The following CNTNAP5 variants were observed in gnomAD, a reference collection of about 807,000 sequenced individuals.
CNTNAP5 encodes the protein contactin-associated protein-like 5.
A neutral mutation model predicts 150.2 loss-of-function variants in CNTNAP5; 72 were observed. That is an observed-to-expected ratio of 0.48 (90% CI 0.40 to 0.58). The LOEUF (loss-of-function observed/expected upper bound fraction) is 0.58, where lower values mean the gene tolerates loss of function less well. CNTNAP5 is among the 20% of genes least tolerant of loss of function. The probability of loss-of-function intolerance (pLI) is 0.00; values close to 1 mark genes in which losing one functional copy is unlikely to be tolerated. For missense variants in CNTNAP5, 1,636 were observed against 1,626.2 expected (o/e 1.01, Z -0.10); for synonymous variants, 672 against 619.8 (o/e 1.08, Z -1.25).
rs1695643364 is a variant in CNTNAP5 at position 124,552,208 on chromosome 2, A to C, written c.1650-11009A>C. The stretch of plus-strand genomic sequence containing the variant: ...TTAATTTGATTTCTAGAGTTTGATG[A>C]GGGAAGTAGAGGGCAGTCGGCTAGA... On this transcript the variant is annotated intron_variant, in intron 10 of 23. Transcript: ENST00000682447. Among the ~76,000 whole-genome samples, 7 of 152,184 alleles carry C rather than the reference A, an allele frequency of 4.6e-5. No individual in the cohort carries two copies. In the South Asian group the frequency reaches 1.5e-3, roughly 32 times the overall value.
intron 1 of CNTNAP5, among the ~76,000 whole-genome samples, chr2:124,198,334 G>C (rs1685640046): frequency 6.6e-6 from 1 of 151,956 alleles, no homozygotes; most frequent in Admixed American, 6.6e-5. Context: ...CTTTCAATCT[G>C]TGGCCTAGAT....
At chr2:124,095,295 G>A (rs771857429) in intron 1 of CNTNAP5, among the ~76,000 whole-genome samples, 6 of 152,128 alleles carry the variant, frequency 3.9e-5, no homozygotes, top group Non-Finnish European at 5.9e-5. Context: ...GTTGAACAAC[G>A]AGAACACATG....
intron 1 of CNTNAP5, among the ~76,000 whole-genome samples, chr2:124,193,339 T>C (rs1365911919): frequency 6.6e-6 from 1 of 152,226 alleles, no homozygotes; most frequent in East Asian, 1.9e-4. Flanking sequence ...AGTTGACTTA[T>C]TTATTATGTC....
chr2:124,051,378 C>T (rs1472636251), intron 1 of CNTNAP5, among the ~76,000 whole-genome samples: 2 of 152,188 alleles, frequency 1.3e-5, no homozygotes, highest in Non-Finnish European at 2.9e-5. Context: ...GTATTTGATG[C>T]TGCTGTTTAC....
chr2:124,612,432 A>G lies in CNTNAP5; in HGVS notation c.1876+2512A>G, dbSNP rs528086196. On this transcript the variant is annotated intron_variant, in intron 12 of 23. Transcript: ENST00000682447. ...ATAGCTTAGAAATGTTAAACTCTTC[A>G]AAATAATGCAAGGACAAGGACTTAG... Among the ~76,000 whole-genome samples the G allele has an allele frequency of 3.9e-5, 6 of 152,286 alleles. No individual in the cohort carries two copies. The East Asian group carries it at 5.8e-4, about 15-fold the overall frequency.
chr2:124,451,077 TACAC>T (rs1553469346), intron 6 of CNTNAP5, among the ~76,000 whole-genome samples: 3 of 61,534 alleles, frequency 4.9e-5, no homozygotes, highest in Admixed American at 6.4e-4. Flanking sequence ...TATATATATA[TACAC>T]ACACACACAC....
chr2:124,408,455 C>G (rs1470644662), intron 3 of CNTNAP5, among the ~76,000 whole-genome samples: 2 of 152,182 alleles, frequency 1.3e-5, no homozygotes, highest in Non-Finnish European at 2.9e-5. Context: ...AAAAAGACAG[C>G]AGTAACCTCT....
chr2:124,041,550 C>CT (rs1558734915), intron 1 of CNTNAP5, among the ~76,000 whole-genome samples: 2 of 152,198 alleles, frequency 1.3e-5, no homozygotes, highest in South Asian at 4.1e-4. Flanking sequence ...GTTTGTGCTT[C>CT]TTTTTTTAAA....
intron 12 of CNTNAP5, among the ~76,000 whole-genome samples, chr2:124,644,709 T>G (rs1678167591): frequency 6.6e-6 from 1 of 152,154 alleles, no homozygotes. Context: ...AAAAATGATA[T>G]ACATTTACTT....
chr2:124,827,240 G>A (rs532839362), intron 19 of CNTNAP5, among the ~76,000 whole-genome samples: 28 of 152,120 alleles, frequency 1.8e-4, no homozygotes, highest in East Asian at 3.9e-4. Flanking sequence ...GATTCTTCCC[G>A]CTAGAAAACA....
At chr2:124,780,945 A>G (rs73955811) in intron 17 of CNTNAP5, among the ~76,000 whole-genome samples, 2,156 of 152,282 alleles carry the variant, frequency 0.014, 48 homozygotes, top group African/African-American at 0.05. Flanking sequence ...TTTATTCTTC[A>G]TTCTCCCAGG....
chr2:124,363,846 C>G (rs1332612887), intron 3 of CNTNAP5, among the ~76,000 whole-genome samples: 1 of 152,160 alleles, frequency 6.6e-6, no homozygotes, highest in African/African-American at 2.4e-5. Context: ...ATGTGTAGTT[C>G]TGTGTGTAGC....
intron 1 of CNTNAP5, among the ~76,000 whole-genome samples, chr2:124,212,829 CTTTTTTTTTT>C (rs66534077): frequency 1.6e-5 from 1 of 62,904 alleles, no homozygotes; most frequent in African/African-American, 7.1e-5. Flanking sequence ...GTAGATAAAT[CTTTTTTTTTT>C]TTTTTTTTTT....
intron 19 of CNTNAP5, among the ~76,000 whole-genome samples, chr2:124,805,261 CT>C (rs1420442538): frequency 3.3e-5 from 5 of 152,158 alleles, no homozygotes; most frequent in African/African-American, 1.2e-4. Context: ...CAATTGCCCC[CT>C]GACACAGACC....
intron 17 of CNTNAP5, among the ~76,000 whole-genome samples, 177 bp downstream of exon 17, chr2:124,773,194 C>A (rs75611233): frequency 6.6e-6 from 1 of 152,264 alleles, no homozygotes; most frequent in East Asian, 1.9e-4. Context: ...TTGGCTACAT[C>A]GAGTTAAGAT....
chr2:124,257,565 C>T (rs1186997754), intron 3 of CNTNAP5, among the ~76,000 whole-genome samples: 1 of 152,210 alleles, frequency 6.6e-6, no homozygotes, highest in Non-Finnish European at 1.5e-5. Flanking sequence ...CTTTCAAGAT[C>T]TAGTTCAGCT....
At chr2:124,482,980 T>A (rs1306900097) in intron 7 of CNTNAP5, among the ~76,000 whole-genome samples, 1 of 152,222 alleles carries the variant, frequency 6.6e-6, no homozygotes, top group Non-Finnish European at 1.5e-5. Flanking sequence ...GTGTGGCCTC[T>A]TTTCTAACCA....
chr2:124,841,767 GT>G (rs1156722765), intron 19 of CNTNAP5, among the ~76,000 whole-genome samples: 1 of 152,112 alleles, frequency 6.6e-6, no homozygotes, highest in Non-Finnish European at 1.5e-5. Flanking sequence ...TGGATGGAAG[GT>G]TTGCTTCCCA....
At chr2:124,513,243 C>T (rs1694634385) in intron 8 of CNTNAP5, among the ~76,000 whole-genome samples, 2 of 152,174 alleles carry the variant, frequency 1.3e-5, no homozygotes, top group South Asian at 2.1e-4. Context: ...TCTGTCTTCA[C>T]ATGGTCTTTT....
Sources: gnomAD v4.1 joint callset for allele counts (sites outside exome capture counted in the v4.1 genomes callset) on GRCh38, gnomAD v4.1.1 for gene constraint, MANE v1.5 for transcripts, NCBI Gene and HGNC (gene_info 2026-07-23, HGNC 2026-07-21) for gene names.